The following SLC44A1 variants were observed in gnomAD, a reference collection of about 807,000 sequenced individuals.
SLC44A1 encodes the protein solute carrier family 44 member 1.
SLC44A1 carries 26 observed loss-of-function variants against 79.3 expected under a neutral mutation model. The ratio of observed to expected loss-of-function variants is 0.33; its 90% CI spans 0.24 to 0.46. The LOEUF (loss-of-function observed/expected upper bound fraction) is 0.46. SLC44A1 is among the 20% of genes least tolerant of loss of function. SLC44A1 has a pLI of 1.00. For missense variants in SLC44A1, 688 were observed against 798.1 expected (o/e 0.86, Z 1.66); for synonymous variants, 263 against 286.2 (o/e 0.92, Z 0.82).
At chr9:105,369,053 G>T (rs1381721510) in intron 12 of SLC44A1, among the ~76,000 whole-genome samples, 1 of 152,060 alleles carries the variant, frequency 6.6e-6, no homozygotes, top group Non-Finnish European at 1.5e-5. Flanking sequence ...AAGAAAGAAA[G>T]CCTGTTGAAA....
intron 1 of SLC44A1, among the ~76,000 whole-genome samples, chr9:105,254,859 C>A (rs1318625968): frequency 6.6e-6 from 1 of 152,150 alleles, no homozygotes; most frequent in South Asian, 2.1e-4. Context: ...TTAGTATAAC[C>A]TCTTCTCTCT....
intron 1 of SLC44A1, among the ~76,000 whole-genome samples, chr9:105,253,721 G>A (rs1829639798): frequency 6.6e-6 from 1 of 152,154 alleles, no homozygotes; most frequent in Non-Finnish European, 1.5e-5. Flanking sequence ...GGCAGAGCCA[G>A]ACCCTGTCTT....
intron 2 of SLC44A1, among the ~76,000 whole-genome samples, chr9:105,306,079 G>A (rs1003762725): frequency 1.3e-5 from 2 of 152,080 alleles, no homozygotes; most frequent in African/African-American, 4.8e-5. Context: ...GAATAAATTT[G>A]TCTGTTCCTC....
At chr9:105,301,548 C>T (rs192603325) in intron 2 of SLC44A1, among the ~76,000 whole-genome samples, 86 of 152,170 alleles carry the variant, frequency 5.7e-4, no homozygotes, top group African/African-American at 2.0e-3. Flanking sequence ...TTGTTTTAAA[C>T]GATTTTTAGA....
At chr9:105,321,280 C>T (rs1188392164) in intron 3 of SLC44A1, among the ~76,000 whole-genome samples, 1 of 151,704 alleles carries the variant, frequency 6.6e-6, no homozygotes, top group Non-Finnish European at 1.5e-5. Flanking sequence ...CTTTTTTCTC[C>T]CATACAAAAA....
chr9:105,294,556 A>G (rs925550083), intron 1 of SLC44A1: 5 of 151,498 alleles, frequency 3.3e-5, no homozygotes, highest in African/African-American at 4.9e-5. Context: ...GTTTTTCTGT[A>G]TGTGATGTGT....
At chr9:105,282,153 A>T (rs186328495) in intron 1 of SLC44A1, among the ~76,000 whole-genome samples, 268 of 152,052 alleles carry the variant, frequency 1.8e-3, no homozygotes, top group Admixed American at 0.014. Context: ...TTAATGACTC[A>T]TTGGGTGTGG....
chr9:105,385,959 C>T, intron 15 of SLC44A1: 1 of 985,348 alleles, frequency 1.0e-6, no homozygotes, highest in Non-Finnish European at 1.2e-6. Flanking sequence ...GTTCTGCTTA[C>T]ATTGCTGTCC....
chr9:105,396,759 G>A lies in SLC44A1; in HGVS notation c.*7703G>A, dbSNP rs1828884962. The A allele has an allele frequency of 1.0e-6, 1 of 983,448 alleles. No homozygotes were observed. Among genetic ancestry groups the A allele is most frequent in the African/African-American group, 1.8e-5 (1 of 56,620 alleles). The allele number at this position is 983,448 out of a possible 1,614,324, so 60.9% of individuals were successfully genotyped here. On this transcript the variant is annotated 3_prime_UTR_variant, in exon 16 of 16. Transcript: ENST00000374720. ...TGCCATTTGCATCCTATTTCATAGT[G>A]CCAAAATGAATTTTTGTATCTTGTC...
intron 3 of SLC44A1, among the ~76,000 whole-genome samples, chr9:105,316,185 A>G (rs1188578636): frequency 6.6e-6 from 1 of 152,128 alleles, no homozygotes; most frequent in Non-Finnish European, 1.5e-5. Context: ...CAATAAAATC[A>G]TCATACAATC....
intron 15 of SLC44A1, among the ~76,000 whole-genome samples, chr9:105,434,432 G>A (rs1391714761): frequency 6.6e-6 from 1 of 152,200 alleles, no homozygotes; most frequent in Admixed American, 6.5e-5. Context: ...AAAATTCATA[G>A]AAGGGTTGAA....
At chr9:105,353,044 TTTC>T (rs1827502589) in intron 5 of SLC44A1, among the ~76,000 whole-genome samples, 1 of 152,202 alleles carries the variant, frequency 6.6e-6, no homozygotes, top group African/African-American at 2.4e-5. Flanking sequence ...CTATATATTA[TTTC>T]TTCTTATGTT....
rs372466501 is a variant in SLC44A1, at chr9:105,358,424, G to A, written c.751G>A (p.Gly251Ser). 31 of 1,560,636 alleles carry A rather than the reference G, an allele frequency of 2.0e-5. 1 individual carries two copies. The highest frequency in any genetic ancestry group is 4.1e-5 in the African/African-American group (3 of 73,606). ...VWILTILVIL[G>S]SLGGTGVLWW... Reference sequence around the variant, plus strand: ...GATCTTAACGATTCTGGTCATACTCGGTTCACTTGGTAAGCTATTTATTTC... The same window carrying A: ...GATCTTAACGATTCTGGTCATACTCAGTTCACTTGGTAAGCTATTTATTTC... The change falls in exon 7 of 16, where the codon GGT becomes AGT. Residue 251 changes from glycine (G) to serine (S), a missense_variant. Coordinates refer to ENST00000374720, the MANE Select transcript of SLC44A1 (RefSeq NM_080546.5).
In SLC44A1 at chr9:105,347,947, C is replaced by T. The variant is rs1445045052; in HGVS notation, c.407-411C>T. Among the ~76,000 whole-genome samples, 6 of 152,186 alleles carry T rather than the reference C, an allele frequency of 3.9e-5. No individual in the cohort carries two copies. The East Asian group carries it at 1.2e-3, about 29-fold the overall frequency. On this transcript the variant is annotated intron_variant, in intron 4 of 15. Transcript: ENST00000374720. ...AGAGATGTGGTGTTTAATCCCAGTT[C>T]TACTCCTACTAGCTCTGTGTTCTTA...
intron 4 of SLC44A1, among the ~76,000 whole-genome samples, chr9:105,345,660 G>A (rs952230962): frequency 3.3e-5 from 5 of 151,916 alleles, no homozygotes; most frequent in African/African-American, 1.2e-4. Flanking sequence ...CTGAGCTAAA[G>A]AATAATAAAT....
chr9:105,252,839 A>G (rs1465827413), intron 1 of SLC44A1, among the ~76,000 whole-genome samples: 2 of 152,198 alleles, frequency 1.3e-5, no homozygotes, highest in Non-Finnish European at 2.9e-5. Flanking sequence ...TTTCTAATTT[A>G]TTTGGAATAT....
In SLC44A1 at chr9:105,396,188, A is replaced by T. The variant is rs1019448491; in HGVS notation, c.*7132A>T. On this transcript the variant is annotated 3_prime_UTR_variant, in exon 16 of 16. Transcript: ENST00000374720. ...AGTTTTCTGACTTCTTCCCTATAAA[A>T]AGATACTGAGAGCTCCATAATGAAA... is the stretch of plus-strand genomic sequence containing the variant. 2.0e-6 allele frequency: 2 copies of T among 985,246 alleles called. No individual in the cohort carries two copies. The highest frequency in any genetic ancestry group is 3.5e-5 in the African/African-American group (2 of 57,218). 61.0% of individuals were successfully genotyped at this position (985,246 alleles called of 1,614,324 possible). A position where few individuals can be genotyped will look rare whatever the true frequency, so the allele number is the denominator to read the frequency against.
chr9:105,311,768 A>C (rs550618571), intron 3 of SLC44A1, among the ~76,000 whole-genome samples: 1 of 152,302 alleles, frequency 6.6e-6, no homozygotes, highest in South Asian at 2.1e-4. Context: ...TTTAGTGCTA[A>C]CCTACTTAAG....
intron 3 of SLC44A1, 99 bp from the exon 4 acceptor site, chr9:105,335,464 T>C: frequency 1.2e-6 from 1 of 801,100 alleles, no homozygotes; most frequent in Non-Finnish European, 1.9e-6. Context: ...CGTGGAGGAA[T>C]GTGGAATAGA....
Sources: allele counts gnomAD v4.1 joint callset (sites outside exome capture counted in the v4.1 genomes callset), GRCh38; gene constraint gnomAD v4.1.1; transcripts MANE v1.5; gene names NCBI Gene and HGNC (gene_info 2026-07-23, HGNC 2026-07-21).